ZNF618: variants seen among roughly 807,000 people sequenced by gnomAD.
ZNF618 encodes neural precursor cell expressed, developmentally down-regulated 10.
A neutral mutation model predicts 103.0 loss-of-function variants in ZNF618; 34 were observed. The ratio of observed to expected loss-of-function variants is 0.33; its 90% CI spans 0.25 to 0.44. The LOEUF is 0.44. Among genes scored for constraint, ZNF618 ranks in the 20% least tolerant of loss-of-function variants. The pLI is 1.00. For synonymous variants in ZNF618, 551 were observed against 542.2 expected (o/e 1.02, Z -0.23); for missense variants, 1,059 against 1,295.4 (o/e 0.82, Z 2.80).
At chr9:114,024,413 T>G (rs1843324873) in intron 10 of ZNF618, among the ~76,000 whole-genome samples, 3 of 152,268 alleles carry the variant, frequency 2.0e-5, no homozygotes, top group African/African-American at 7.2e-5. Flanking sequence ...AATTGTTTCT[T>G]CCGTGCTGCA....
At chr9:114,024,657 C>G (rs1006227697) in intron 10 of ZNF618, among the ~76,000 whole-genome samples, 6 of 152,188 alleles carry the variant, frequency 3.9e-5, no homozygotes, top group Non-Finnish European at 8.8e-5. Flanking sequence ...GGTCTCGCCT[C>G]TCTGGCTAGG....
Position 114,001,922 on chromosome 9 carries a change from G to A in ZNF618, c.434-74G>A, listed in dbSNP as rs190195009. On this transcript the variant is annotated intron_variant, in intron 4 of 14. Transcript: ENST00000374126. ...GACAGAGAGTTAGCCACACTTGTAGGCATCGCCTGTGGGTCCTGGGACCTT... is the reference window on the plus strand; with the variant it reads ...GACAGAGAGTTAGCCACACTTGTAGACATCGCCTGTGGGTCCTGGGACCTT... 1.8e-4 allele frequency: 229 copies of A among 1,267,570 alleles called. No homozygotes were observed. The East Asian group carries it at 5.3e-3, about 29-fold the overall frequency. 78.5% of individuals were successfully genotyped at this position (1,267,570 alleles called of 1,614,324 possible).
At chr9:113,924,398 GTCTTCT>G (rs139348803) in intron 1 of ZNF618, among the ~76,000 whole-genome samples, 62,785 of 139,430 alleles carry the variant, frequency 0.45, 14,214 homozygotes, top group Non-Finnish European at 0.5. Context: ...AGTAATTTGT[GTCTTCT>G]TCTTCTTCTT....
chr9:113,998,850 C>T (rs1840886204), intron 4 of ZNF618, among the ~76,000 whole-genome samples: 1 of 152,216 alleles, frequency 6.6e-6, no homozygotes, highest in Non-Finnish European at 1.5e-5. Context: ...AGTTGGGTTC[C>T]AAAGAATAAA....
At position 114,007,228 on chromosome 9, in the gene ZNF618, C is replaced by G; in HGVS notation, c.551-122C>G. ...CATGTGTAAAATGAGAGACTGCTTCCTCCCTCCGCTAGCCAGACTGGGCTA... is the reference window on the plus strand; with the variant it reads ...CATGTGTAAAATGAGAGACTGCTTCGTCCCTCCGCTAGCCAGACTGGGCTA... On this transcript the variant is annotated intron_variant, in intron 6 of 14. Coordinates refer to ENST00000374126, the MANE Select transcript of ZNF618 (RefSeq NM_001318042.2). The G allele has an allele frequency of 2.7e-6, 2 of 752,696 alleles. 1 individual carries two copies. The highest frequency in any genetic ancestry group is 3.6e-5 in the South Asian group (2 of 55,190). 46.6% of individuals were successfully genotyped at this position (752,696 alleles called of 1,614,324 possible).
chr9:114,037,132 G>A, intron 13 of ZNF618, among the ~76,000 whole-genome samples: 1 of 152,072 alleles, frequency 6.6e-6, no homozygotes, highest in East Asian at 1.9e-4. Context: ...GTATGTGCTG[G>A]AATAAGTAAA....
chr9:113,998,081 G>T (rs887365448), intron 3 of ZNF618, among the ~76,000 whole-genome samples, 178 bp from the exon 4 acceptor site: 1 of 152,228 alleles, frequency 6.6e-6, no homozygotes, highest in African/African-American at 2.4e-5. Flanking sequence ...ATTCTGCCAT[G>T]TGCCAGCCTC....
chr9:113,901,131 C>T (rs1202970114), intron 1 of ZNF618, among the ~76,000 whole-genome samples: 2 of 150,018 alleles, frequency 1.3e-5, no homozygotes, highest in African/African-American at 4.9e-5. Flanking sequence ...TCTCCTAGCA[C>T]CGTCTTCTCC....
At chr9:113,972,758 A>G (rs981860684) in intron 2 of ZNF618, among the ~76,000 whole-genome samples, 4 of 152,198 alleles carry the variant, frequency 2.6e-5, no homozygotes, top group Non-Finnish European at 4.4e-5. Flanking sequence ...AGTGAATTAT[A>G]TGTTAAACGT....
rs1846026259 is a variant in ZNF618 at position 114,050,168 on chromosome 9, G to C, written c.*1G>C. 6 of 1,536,820 alleles carry C rather than the reference G, an allele frequency of 3.9e-6. No individual in the cohort carries two copies. Among genetic ancestry groups the C allele is most frequent in the Non-Finnish European group, 5.2e-6 (6 of 1,148,696 alleles). On this transcript the variant is annotated 3_prime_UTR_variant, in exon 15 of 15. Coordinates refer to ENST00000374126, the MANE Select transcript of ZNF618 (RefSeq NM_001318042.2). ...GTTTCTGAAATCCAACATGCTTTAAGACTTGACTTCGGGGGAAAAAAAAAG... is the reference window on the plus strand; with the variant it reads ...GTTTCTGAAATCCAACATGCTTTAACACTTGACTTCGGGGGAAAAAAAAAG...
At chr9:114,008,404 A>C (rs1841943455) in intron 8 of ZNF618, 25 bp downstream of exon 8, 8 of 1,613,022 alleles carry the variant, frequency 5.0e-6, no homozygotes, top group Non-Finnish European at 6.8e-6. Context: ...TCTGCTTGTC[A>C]CCTCCCCTGT....
At position 113,876,428 on chromosome 9, in the gene ZNF618, C is replaced by T. The variant is rs1827933510; in HGVS notation, c.33+15C>T. 2 of 1,200,486 alleles carry T rather than the reference C, an allele frequency of 1.7e-6. No individual in the cohort carries two copies. The highest frequency in any genetic ancestry group is 4.2e-5 in the South Asian group (1 of 24,010). 74.4% of individuals were successfully genotyped at this position (1,200,486 alleles called of 1,614,324 possible). On this transcript the variant is annotated intron_variant, in intron 1 of 14. Coordinates refer to ENST00000374126, the MANE Select transcript of ZNF618 (RefSeq NM_001318042.2). ...CGGCTCCGCAGGTACGACGGGGGGC[C>T]GGGGGCATGCACCGCGCGGGGGACC...
intron 3 of ZNF618, among the ~76,000 whole-genome samples, chr9:113,994,699 A>C (rs1441154710): frequency 6.6e-6 from 1 of 152,106 alleles, no homozygotes; most frequent in African/African-American, 2.4e-5. Flanking sequence ...AAAACGTAAA[A>C]CCAGTACCAC....
chr9:113,892,070 G>A (rs182231403), intron 1 of ZNF618, among the ~76,000 whole-genome samples: 8 of 152,276 alleles, frequency 5.3e-5, no homozygotes, highest in African/African-American at 1.7e-4. Flanking sequence ...GCTGGTGCAA[G>A]GACAATGGGC....
intron 1 of ZNF618, among the ~76,000 whole-genome samples, chr9:113,912,070 TA>T (rs1340211557): frequency 6.6e-6 from 1 of 152,162 alleles, no homozygotes; most frequent in Non-Finnish European, 1.5e-5. Flanking sequence ...TCATTTCTAA[TA>T]AGCTCTCAGC....
rs551238365 is a variant in ZNF618 at position 114,055,755 on chromosome 9, A to C, written c.*5588A>C. On this transcript the variant is annotated 3_prime_UTR_variant, in exon 15 of 15. Coordinates refer to ENST00000374126, the MANE Select transcript of ZNF618 (RefSeq NM_001318042.2). ...AAATTTACAAAAAAACAAACACAAAAAAAATATCTTTTTTAGGCCAGAGTT... is the reference window on the plus strand; with the variant it reads ...AAATTTACAAAAAAACAAACACAAACAAAATATCTTTTTTAGGCCAGAGTT... The C allele has an allele frequency of 1.3e-4, 20 of 152,592 alleles. No individual in the cohort carries two copies. Among genetic ancestry groups the C allele is most frequent in the Admixed American group, 1.1e-3 (17 of 15,296 alleles). The allele number at this position is 152,592 out of a possible 1,614,324, so 9.5% of individuals were successfully genotyped here.
intron 2 of ZNF618, among the ~76,000 whole-genome samples, chr9:113,973,256 C>A (rs976442197): frequency 2.0e-5 from 3 of 152,146 alleles, no homozygotes. Flanking sequence ...TTAGATTAGA[C>A]GGCTCTGAGC....
At chr9:114,007,129 G>A (rs1841820777) in intron 6 of ZNF618, among the ~76,000 whole-genome samples, 1 of 152,200 alleles carries the variant, frequency 6.6e-6, no homozygotes, top group Non-Finnish European at 1.5e-5. Context: ...CCTGGGTGCT[G>A]TCCCCAAGGC....
chr9:113,913,598 C>A (rs1831772607), intron 1 of ZNF618, among the ~76,000 whole-genome samples: 1 of 152,238 alleles, frequency 6.6e-6, no homozygotes, highest in Non-Finnish European at 1.5e-5. Context: ...TTGCTTCATA[C>A]TTTTCAGCAG....
Sources: allele counts gnomAD v4.1 joint callset (sites outside exome capture counted in the v4.1 genomes callset), GRCh38; gene constraint gnomAD v4.1.1; transcripts MANE v1.5; gene names NCBI Gene and HGNC (gene_info 2026-07-23, HGNC 2026-07-21).